The following EP400 variants were observed in gnomAD, a reference collection of about 807,000 sequenced individuals.
The protein encoded by EP400 is E1A binding protein p400, also known as E1A-binding protein p400.
In EP400, 105 loss-of-function variants were observed where a neutral mutation model predicts 354.1. The observed-to-expected ratio is 0.30, with a 90% CI of 0.25 to 0.35. The LOEUF (loss-of-function observed/expected upper bound fraction) is 0.35. Among genes scored for constraint, EP400 ranks in the 10% least tolerant of loss-of-function variants. The pLI is 1.00. For synonymous variants in EP400, 1,646 were observed against 1,716.9 expected (o/e 0.96, Z 1.02); for missense variants, 3,280 against 4,121.0 (o/e 0.80, Z 5.59).
chr12:132,069,270 C>G (rs1895997108), intron 50 of EP400: 3 of 563,234 alleles, frequency 5.3e-6, no homozygotes, highest in Non-Finnish European at 8.9e-6. Flanking sequence ...ACGGCCAGGC[C>G]TCCTGGAGGA....
At chr12:132,073,919 GTTTTTTTTTT>G (rs34186152) in intron 51 of EP400, among the ~76,000 whole-genome samples, 75 of 82,136 alleles carry the variant, frequency 9.1e-4, no homozygotes, top group African/African-American at 4.0e-3. Context: ...GTTTTTTGGG[GTTTTTTTTTT>G]TTTTTTTTTT....
At chr12:131,976,344 T>C (rs907379711) in intron 2 of EP400, among the ~76,000 whole-genome samples, 1 of 152,234 alleles carries the variant, frequency 6.6e-6, no homozygotes, top group African/African-American at 2.4e-5. Flanking sequence ...GTGCATGATA[T>C]GTAGAAACCC....
chr12:132,055,956 G>T (rs1312286705), intron 45 of EP400, among the ~76,000 whole-genome samples: 1 of 151,820 alleles, frequency 6.6e-6, no homozygotes, highest in Non-Finnish European at 1.5e-5. Context: ...TCACACGAGG[G>T]CATGGCTGGG....
intron 25 of EP400, among the ~76,000 whole-genome samples, chr12:132,026,797 C>T (rs1009700137): frequency 4.6e-5 from 7 of 152,122 alleles, no homozygotes; most frequent in Non-Finnish European, 1.0e-4. Context: ...CTTGTTTTTC[C>T]CTAAGGTGAC....
chr12:132,061,784 A>G (rs899614655), intron 45 of EP400, among the ~76,000 whole-genome samples: 3 of 152,216 alleles, frequency 2.0e-5, no homozygotes, highest in African/African-American at 7.2e-5. Flanking sequence ...TGGGTGCCTC[A>G]AGGACAGTCG....
At chr12:131,984,704 C>CTTTTTT (rs954288416) in intron 5 of EP400, among the ~76,000 whole-genome samples, 1 of 146,510 alleles carries the variant, frequency 6.8e-6, no homozygotes, top group East Asian at 2.0e-4. Context: ...TTTATTTTAT[C>CTTTTTT]TTTTTTTTTT....
At position 132,043,290 on chromosome 12, in the gene EP400, T is replaced by TA. The variant is rs1894976942; in HGVS notation, c.6208-13dup. ...AAAGTCTATCAAGGCAATCTAAACA[T>TA]AGACTTTCCTCAGGCCCTCAAGAGT... is the stretch of plus-strand genomic sequence containing the variant. On this transcript the variant is annotated splice_polypyrimidine_tract_variant and intron_variant, in intron 32 of 52. Coordinates refer to ENST00000389561, the MANE Select transcript of EP400 (RefSeq NM_015409.5). 6.2e-7 allele frequency: 1 copy of TA among 1,602,464 alleles called. No individual in the cohort carries two copies. Among genetic ancestry groups the TA allele is most frequent in the East Asian group, 2.2e-5 (1 of 44,782 alleles).
Position 132,070,303 on chromosome 12 carries a change from C to T in EP400, c.9021+662C>T, listed in dbSNP as rs1165344074. Among the ~76,000 whole-genome samples the T allele has an allele frequency of 6.6e-6, 1 of 152,220 alleles. No homozygotes were observed. Among genetic ancestry groups the T allele is most frequent in the African/African-American group, 2.4e-5 (1 of 41,450 alleles). On this transcript the variant is annotated intron_variant, in intron 51 of 52. Coordinates refer to ENST00000389561, the MANE Select transcript of EP400 (RefSeq NM_015409.5). The surrounding 1 kb of genome is among the most constrained non-coding windows in gnomAD (Gnocchi z 4.1). ...TTGGTTTTTGGGTCTGAGATAGAAA[C>T]AGGAATTCAATTTGATGTGCTCTAT...
In EP400 at chr12:132,025,764, C is replaced by G; in HGVS notation, c.4974C>G (p.Pro1658=). The stretch of plus-strand genomic sequence containing the variant: ...TGCACGGCGCCCTGGGAAGCAAGCC[C>G]CCGGCCGGCGGTCCCAGCCCTGCAC... ...GAVHGALGSK[P]PAGGPSPAPL... is the part of the protein sequence containing the mutation. Residue 1658 remains proline, a synonymous_variant, in exon 25 of 53, where the codon CCC becomes CCG. Coordinates refer to ENST00000389561, the MANE Select transcript of EP400 (RefSeq NM_015409.5). The surrounding 1 kb of genome is among the most constrained non-coding windows in gnomAD (Gnocchi z 4.1). The G allele has an allele frequency of 6.2e-7, 1 of 1,611,896 alleles. No homozygotes were observed. The highest frequency in any genetic ancestry group is 8.5e-7 in the Non-Finnish European group (1 of 1,179,410).
Position 131,979,559 on chromosome 12 carries a change from A to G in EP400, c.1336-135A>G, listed in dbSNP as rs952471308. On this transcript the variant is annotated intron_variant, in intron 2 of 52. Transcript: ENST00000389561. ...AAATATACATTACACATGTATATTT[A>G]AAGACACGGGGTAGATAACATTCCT... is the stretch of plus-strand genomic sequence containing the variant. The G allele has an allele frequency of 4.6e-5, 30 of 657,556 alleles. No homozygotes were observed. In the East Asian group the frequency reaches 9.0e-4, roughly 20 times the overall value. The allele number at this position is 657,556 out of a possible 1,614,324, so 40.7% of individuals were successfully genotyped here. A position where few individuals can be genotyped will look rare whatever the true frequency, so the allele number is the denominator to read the frequency against.
Position 132,029,746 on chromosome 12 carries a change from A to G in EP400, c.5427A>G (p.Leu1809=), listed in dbSNP as rs146598983. The G allele has an allele frequency of 6.2e-7, 1 of 1,613,304 alleles. No homozygotes were observed. The highest frequency in any genetic ancestry group is 8.5e-7 in the Non-Finnish European group (1 of 1,180,018). ...IPPVVAAPPS[L]RVPRPPPLYS... ...CGGTGGTGGCAGCACCCCCGTCCCT[A>G]CGGGTGCCGCGGCCGCCACCCCTGT... The change falls in exon 28 of 53, where the codon CTA becomes CTG. Residue 1809 remains leucine (L), a synonymous_variant. Coordinates refer to ENST00000389561, the MANE Select transcript of EP400 (RefSeq NM_015409.5). The surrounding 1 kb of genome is among the most constrained non-coding windows in gnomAD (Gnocchi z 4.7).
At chr12:132,004,799 A>G (rs779760364) in intron 12 of EP400, among the ~76,000 whole-genome samples, 3 of 152,196 alleles carry the variant, frequency 2.0e-5, no homozygotes, top group Non-Finnish European at 2.9e-5. Context: ...TGTTGCACCT[A>G]CTAAGTAATT....
chr12:132,039,762 G>C (rs1234336300), intron 32 of EP400, among the ~76,000 whole-genome samples: 1 of 152,258 alleles, frequency 6.6e-6, no homozygotes, highest in Non-Finnish European at 1.5e-5. Flanking sequence ...GCTGGGGCCA[G>C]GTGTGGTGGC....
chr12:132,077,556 C>A lies in EP400; in HGVS notation c.9255C>A (p.Gly3085=), dbSNP rs956284454. 6.2e-7 allele frequency: 1 copy of A among 1,613,890 alleles called. No homozygotes were observed. Among genetic ancestry groups the A allele is most frequent in the Non-Finnish European group, 8.5e-7 (1 of 1,179,990 alleles). ...CGTCGGCCCCGCTCCAGACTCCAGGCGCTCCCAACCCAGCCCAGGTGCCCG... is the reference window on the plus strand; with the variant it reads ...CGTCGGCCCCGCTCCAGACTCCAGGAGCTCCCAACCCAGCCCAGGTGCCCG... The part of the protein sequence containing the change: ...TTASAPLQTP[G]APNPAQVPAS... The change falls in exon 53 of 53, where the codon GGC becomes GGA. Residue 3085 remains glycine, a synonymous_variant. Coordinates refer to ENST00000389561, the MANE Select transcript of EP400 (RefSeq NM_015409.5).
chr12:132,006,327 G>T (rs1194372097), intron 14 of EP400, 25 bp downstream of exon 14: 2 of 1,609,750 alleles, frequency 1.2e-6, no homozygotes, highest in Non-Finnish European at 1.7e-6. Context: ...TTTCAAGTGT[G>T]GGATGGGCCT....
intron 25 of EP400, among the ~76,000 whole-genome samples, chr12:132,026,622 G>GA (rs763448902): frequency 6.6e-6 from 1 of 152,158 alleles, no homozygotes; most frequent in Non-Finnish European, 1.5e-5. Context: ...GGGGATTCCA[G>GA]AACCAGCTGC....
At position 131,982,334 on chromosome 12, in the gene EP400, G is replaced by C; in HGVS notation, c.1785G>C (p.Lys595Asn). The C allele has an allele frequency of 1.2e-6, 2 of 1,614,142 alleles. No homozygotes were observed. Residue 595 changes from lysine (K) to asparagine (N), a missense_variant, in exon 5 of 53, where the codon AAG becomes AAC. Around this residue, in one of 20 missense-constraint regions of EP400, gnomAD observed 800 missense variants for 840.0 expected, o/e 0.95. Coordinates refer to ENST00000389561, the MANE Select transcript of EP400 (RefSeq NM_015409.5). ...EAQTQLQIPV[K>N]TQQPNVPIPA... ...AGACACAGCTCCAAATCCCGGTGAA[G>C]ACTCAGCAGCCCAATGTTCCCATCC...
In EP400 at chr12:131,972,201, G is replaced by T. The variant is rs185514977; in HGVS notation, c.1336-7493G>T. On this transcript the variant is annotated intron_variant, in intron 2 of 52. Coordinates refer to ENST00000389561, the MANE Select transcript of EP400 (RefSeq NM_015409.5). ...AGAGTCTCGCTCTGTCGCCCAGGCT[G>T]GAGTGCAGTGGCGCGATCTCGGTTC... Among the ~76,000 whole-genome samples, 46 of 151,200 alleles carry T rather than the reference G, an allele frequency of 3.0e-4. 1 individual carries two copies. The East Asian group carries it at 5.6e-3, about 19-fold the overall frequency.
intron 45 of EP400, among the ~76,000 whole-genome samples, chr12:132,058,155 G>A (rs985837482): frequency 2.6e-5 from 4 of 152,142 alleles, no homozygotes; most frequent in African/African-American, 7.2e-5. Flanking sequence ...TCTTGTGAGC[G>A]GAGGGTCTGA....
Sources: allele counts gnomAD v4.1 joint callset (sites outside exome capture counted in the v4.1 genomes callset), GRCh38; gene constraint gnomAD v4.1.1; regional missense constraint gnomAD v4.1.1; non-coding constraint Gnocchi (gnomAD v3.1); transcripts MANE v1.5; gene names NCBI Gene and HGNC (gene_info 2026-07-23, HGNC 2026-07-21).